The following ZMYND11 variants were observed in gnomAD, a reference collection of about 807,000 sequenced individuals.
The protein encoded by ZMYND11 is zinc finger MYND-type containing 11.
Under a neutral mutation model 84.9 loss-of-function variants are expected in ZMYND11, and 9 were observed. That is an observed-to-expected ratio of 0.11 (90% CI 0.06 to 0.18). The LOEUF (loss-of-function observed/expected upper bound fraction) is 0.18. ZMYND11 is among the 10% of genes least tolerant of loss of function. ZMYND11 has a pLI of 1.00. For synonymous variants in ZMYND11, 250 were observed against 244.1 expected (o/e 1.02, Z -0.23); for missense variants, 409 against 761.0 (o/e 0.54, Z 5.44).
At chr10:133,322 A>G (rs1835370530), upstream of ZMYND11, among the ~76,000 whole-genome samples, 1 of 152,194 alleles carries the variant, frequency 6.6e-6, no homozygotes, top group East Asian at 1.9e-4. Context: ...TACATTATCC[A>G]TGGCTTTTGC....
intron 4 of ZMYND11, among the ~76,000 whole-genome samples, chr10:235,882 C>T (rs997938404): frequency 1.3e-5 from 2 of 152,174 alleles, no homozygotes; most frequent in African/African-American, 2.4e-5. Flanking sequence ...AAACAGTGTA[C>T]GTACGTATAA....
chr10:240,183 TCTACATTTTAGTTGTGCCA>T, intron 8 of ZMYND11, 72 bp downstream of exon 8: 1 of 1,299,022 alleles, frequency 7.7e-7, no homozygotes, highest in Non-Finnish European at 1.1e-6. Context: ...TCCACTCTTA[TCTACATTTTAGTTGTGCCA>T]TTTCCTTTAA....
chr10:130,854 C>T (rs1441092615), upstream of ZMYND11, among the ~76,000 whole-genome samples: 5 of 151,988 alleles, frequency 3.3e-5, no homozygotes, highest in African/African-American at 1.2e-4. Context: ...CACGGTGGCT[C>T]GCGCCTGTAA....
chr10:232,253 C>T (rs568982649), intron 4 of ZMYND11, among the ~76,000 whole-genome samples: 21 of 152,326 alleles, frequency 1.4e-4, no homozygotes, highest in South Asian at 2.1e-4. Context: ...TCAGCGTGAA[C>T]GCCACAGAAA....
intron 3 of ZMYND11, among the ~76,000 whole-genome samples, chr10:220,376 A>G (rs775486257): frequency 3.9e-4 from 59 of 152,182 alleles, no homozygotes; most frequent in Non-Finnish European, 6.8e-4. Flanking sequence ...ATATTTATAA[A>G]TAATGAATTC....
intron 1 of ZMYND11, among the ~76,000 whole-genome samples, chr10:172,929 C>A (rs1354735705): frequency 5.3e-5 from 8 of 151,836 alleles, no homozygotes; most frequent in African/African-American, 1.7e-4. Flanking sequence ...GAAATACTCA[C>A]ATAAATACAG....
At chr10:138,413 G>A (rs1554752952) in intron 1 of ZMYND11, among the ~76,000 whole-genome samples, 2 of 151,956 alleles carry the variant, frequency 1.3e-5, no homozygotes, top group African/African-American at 2.4e-5. Flanking sequence ...CACCGCACCC[G>A]GCCCTGTTGG....
chr10:148,524 T>G (rs569404420), intron 1 of ZMYND11: 1 of 152,408 alleles, frequency 6.6e-6, no homozygotes, highest in African/African-American at 2.4e-5. Context: ...TTGCATTCAC[T>G]CCTTAGTAAT....
chr10:179,619 C>A (rs1847408808), intron 1 of ZMYND11, among the ~76,000 whole-genome samples: 1 of 152,064 alleles, frequency 6.6e-6, no homozygotes, highest in Admixed American at 6.6e-5. Context: ...TATTTAAATT[C>A]CATTTTGTAT....
At position 209,965 on chromosome 10, in the gene ZMYND11, A is replaced by G. The variant is rs977271682; in HGVS notation, c.193A>G (p.Ile65Val). The change falls in exon 3 of 15, where the codon ATT becomes GTT. Residue 65 changes from isoleucine to valine, a missense_variant. Coordinates refer to ENST00000381604, the MANE Select transcript of ZMYND11 (RefSeq NM_001370100.5). ...GAGCTTAGCTGTGAAAGATGGTCTT[A>G]TTGTCGAAACTCTAACAGTGGGCTG... The part of the protein sequence containing the change: ...QLSLAVKDGL[I>V]VETLTVGCKG... 21 of 1,613,986 alleles carry G rather than the reference A, an allele frequency of 1.3e-5. No homozygotes were observed. The highest frequency in any genetic ancestry group is 1.6e-4 in the Middle Eastern group (1 of 6,084).
At chr10:219,981 G>C (rs772465946) in intron 3 of ZMYND11, among the ~76,000 whole-genome samples, 2 of 152,116 alleles carry the variant, frequency 1.3e-5, no homozygotes, top group African/African-American at 4.8e-5. Context: ...GAACATTCAT[G>C]TATCTCTTCT....
chr10:171,232 T>C (rs1225269293), intron 1 of ZMYND11, among the ~76,000 whole-genome samples: 7 of 152,164 alleles, frequency 4.6e-5, no homozygotes, highest in African/African-American at 1.2e-4. Flanking sequence ...GTTGGAGATA[T>C]CAATATGCCT....
At chr10:166,292 T>C (rs1844003675) in intron 1 of ZMYND11, among the ~76,000 whole-genome samples, 1 of 152,132 alleles carries the variant, frequency 6.6e-6, no homozygotes, top group South Asian at 2.1e-4. Flanking sequence ...AAGGACCTTA[T>C]TAAGAAAGCG....
chr10:136,075 C>T (rs1387529002), intron 1 of ZMYND11, among the ~76,000 whole-genome samples: 3 of 151,932 alleles, frequency 2.0e-5, no homozygotes, highest in Admixed American at 2.0e-4. Flanking sequence ...GGCCCCGAGG[C>T]CCGGGGCGGA....
chr10:190,656 C>CAGT (rs1940129672), intron 2 of ZMYND11, among the ~76,000 whole-genome samples: 1 of 152,206 alleles, frequency 6.6e-6, no homozygotes, highest in Non-Finnish European at 1.5e-5. Context: ...AAGCTCTTTA[C>CAGT]AGTGAGACCC....
At chr10:227,709 C>T (rs939064765) in intron 4 of ZMYND11, among the ~76,000 whole-genome samples, 2 of 152,136 alleles carry the variant, frequency 1.3e-5, no homozygotes, top group African/African-American at 4.8e-5. Flanking sequence ...GGATCAAATG[C>T]TGAATGAAAA....
intron 4 of ZMYND11, among the ~76,000 whole-genome samples, chr10:234,982 A>ATGTATGTGTGTG (rs1554786689): frequency 1.3e-5 from 2 of 148,994 alleles, no homozygotes; most frequent in South Asian, 4.3e-4. Context: ...TATTTCGCAA[A>ATGTATGTGTGTG]TGTGTGTGTG....
chr10:150,828 AC>A (rs1258614042), intron 1 of ZMYND11, among the ~76,000 whole-genome samples: 1 of 152,060 alleles, frequency 6.6e-6, no homozygotes, highest in Non-Finnish European at 1.5e-5. Context: ...ACTGGGAGGC[AC>A]CCCCCAGCAG....
At chr10:247,015 T>G in intron 11 of ZMYND11, 42 bp downstream of exon 11, 1 of 1,530,610 alleles carries the variant, frequency 6.5e-7, no homozygotes, top group Non-Finnish European at 8.9e-7. Context: ...CATTATTACT[T>G]TTAAATGCAG....
Sources: allele counts gnomAD v4.1 joint callset (sites outside exome capture counted in the v4.1 genomes callset), GRCh38; gene constraint gnomAD v4.1.1; transcripts MANE v1.5; gene names NCBI Gene and HGNC (gene_info 2026-07-23, HGNC 2026-07-21).